Variants in HMCN2 observed in about 807,000 individuals in gnomAD.
The protein encoded by HMCN2 is hemicentin 2.
Under a neutral mutation model 377.5 loss-of-function variants are expected in HMCN2, and 325 were observed. The observed-to-expected ratio is 0.86, with a 90% CI of 0.79 to 0.94. The LOEUF (loss-of-function observed/expected upper bound fraction) is 0.94, where lower values mean the gene tolerates loss of function less well. HMCN2 is among the 40% of genes least tolerant of loss of function. The pLI is 0.00. For missense variants in HMCN2, 4,543 were observed against 4,725.3 expected, an observed-to-expected ratio of 0.96 and a Z score of 1.13; for synonymous variants, 2,007 against 2,046.8, an observed-to-expected ratio of 0.98 and a Z score of 0.53.
chr9:130,287,027 T>C (rs1835450098), intron 4 of HMCN2, among the ~76,000 whole-genome samples: 1 of 152,160 alleles, frequency 6.6e-6, no homozygotes, highest in Admixed American at 6.5e-5. Context: ...CAACGCTCTC[T>C]CTGGAAAGGA....
intron 56 of HMCN2, 47 bp downstream of exon 56, chr9:130,382,913 C>G: frequency 2.1e-6 from 2 of 961,758 alleles, no homozygotes; most frequent in Non-Finnish European, 2.5e-6. Context: ...CTGCTGAGGC[C>G]CAGCACCACT....
chr9:130,314,634 C>G (rs1356282603), intron 15 of HMCN2, among the ~76,000 whole-genome samples: 2 of 152,192 alleles, frequency 1.3e-5, no homozygotes, highest in African/African-American at 4.8e-5. Flanking sequence ...CTTTGCCCAT[C>G]TGCACAGTCT....
intron 39 of HMCN2, 145 bp from the exon 40 acceptor site, chr9:130,362,722 C>T: frequency 1.9e-6 from 1 of 539,780 alleles, no homozygotes; most frequent in Non-Finnish European, 2.4e-6. Context: ...CCTGGGTTTC[C>T]CTGCATCATG....
At chr9:130,366,850 G>A (rs897843199) in intron 43 of HMCN2, among the ~76,000 whole-genome samples, 1 of 152,134 alleles carries the variant, frequency 6.6e-6, no homozygotes, top group Non-Finnish European at 1.5e-5. Context: ...CACAATGGGG[G>A]CAGTCAGATA....
At chr9:130,345,390 G>A (rs995663743) in intron 25 of HMCN2, among the ~76,000 whole-genome samples, 1 of 146,842 alleles carries the variant, frequency 6.8e-6, no homozygotes, top group Non-Finnish European at 1.5e-5. Flanking sequence ...GTAGTGTGTG[G>A]TGTGTGTGTG....
chr9:130,399,859 A>G (rs2131709729), intron 76 of HMCN2, among the ~76,000 whole-genome samples: 1 of 152,320 alleles, frequency 6.6e-6, no homozygotes, highest in South Asian at 2.1e-4. Flanking sequence ...TCGCAAATCC[A>G]GAATGTTCTA....
At chr9:130,390,073 G>A (rs565023104) in intron 62 of HMCN2, among the ~76,000 whole-genome samples, 8 of 152,242 alleles carry the variant, frequency 5.3e-5, no homozygotes, top group African/African-American at 1.9e-4. Context: ...CTGTGTCATC[G>A]CCTCTCGCGG....
Position 130,394,541 on chromosome 9 carries a change from G to A in HMCN2, c.10658G>A (p.Arg3553Lys), listed in dbSNP as rs1419986742. Reference protein sequence around the residue: ...QALTRLENNSRATRVLRVENV... With the variant: ...QALTRLENNSKATRVLRVENV... ...CTGACCAGGCTGGAGAACAACAGCA[G>A]AGCCACACGGGTGCTCCGGGTGGAG... The change falls in exon 69 of 98, where the codon AGA becomes AAA. Residue 3553 changes from arginine to lysine, a missense_variant. Around this residue, in one of 5 missense-constraint regions of HMCN2, gnomAD observed 1,073 missense variants for 1,319.5 expected, o/e 0.81. Transcript: ENST00000683500. This position sits in a 1 kb window ranked among gnomAD's most constrained non-coding sequence, Gnocchi z 5.1. The A allele has an allele frequency of 7.8e-7, 1 of 1,289,478 alleles. No individual in the cohort carries two copies. The highest frequency in any genetic ancestry group is 2.3e-5 in the Admixed American group (1 of 43,526). The allele number at this position is 1,289,478 out of a possible 1,614,324, so 79.9% of individuals were successfully genotyped here.
In HMCN2 at chr9:130,433,514, C is replaced by A; in HGVS notation, c.15061C>A (p.Leu5021Met). The A allele has an allele frequency of 6.7e-7, 1 of 1,489,808 alleles. No individual in the cohort carries two copies. Among genetic ancestry groups the A allele is most frequent in the Non-Finnish European group, 8.9e-7 (1 of 1,126,926 alleles). 92.3% of individuals were successfully genotyped at this position (1,489,808 alleles called of 1,614,324 possible). A position where few individuals can be genotyped will look rare whatever the true frequency, so the allele number is the denominator to read the frequency against. ...CGCCAACCGCACCGAGCTCAGCATG[C>A]TGGAGCCCGACCCCCGCAGCCCCTT... is the stretch of plus-strand genomic sequence containing the variant. ...VPANRTELSM[L>M]EPDPRSPFAL... Residue 5021 changes from leucine (L) to methionine (M), a missense_variant, in exon 98 of 98, where the codon CTG (leucine) becomes ATG (methionine). Around this residue, in one of 5 missense-constraint regions of HMCN2, gnomAD observed 1,155 missense variants for 1,157.7 expected, o/e 1.00. Coordinates refer to ENST00000683500, the MANE Select transcript of HMCN2 (RefSeq NM_001291815.2).
intron 54 of HMCN2, among the ~76,000 whole-genome samples, chr9:130,381,101 C>T (rs1169879306): frequency 6.6e-6 from 1 of 152,202 alleles, no homozygotes; most frequent in Non-Finnish European, 1.5e-5. Context: ...AACCTCTGTT[C>T]TCTAATCCTG....
rs1564858127 is a variant in HMCN2 at position 130,401,081 on chromosome 9, G to A, written c.11770+134G>A. On this transcript the variant is annotated intron_variant, in intron 77 of 97. Coordinates refer to ENST00000683500, the MANE Select transcript of HMCN2 (RefSeq NM_001291815.2). ...ACTGCCTCTCCTGGCTGTGTGACCT[G>A]GGAGGACCCTCTCGCCCTCTCTGAG... 5.3e-6 allele frequency: 4 copies of A among 749,962 alleles called. No homozygotes were observed. In the South Asian group the frequency reaches 5.5e-5, roughly 10 times the overall value. The allele number at this position is 749,962 out of a possible 1,614,324, so 46.5% of individuals were successfully genotyped here.
rs1844936736 is a variant in HMCN2, at chr9:130,433,997, A to ATTCACC, written c.*304_*305insTTCACC. The ATTCACC allele has an allele frequency of 3.2e-6, 1 of 311,240 alleles. No homozygotes were observed. Among genetic ancestry groups the ATTCACC allele is most frequent in the African/African-American group, 2.2e-5 (1 of 46,452 alleles). 19.3% of individuals were successfully genotyped at this position (311,240 alleles called of 1,614,324 possible). On this transcript the variant is annotated 3_prime_UTR_variant, in exon 98 of 98. Coordinates refer to ENST00000683500, the MANE Select transcript of HMCN2 (RefSeq NM_001291815.2). ...CTCAGTGGGAGCGGGACAGGGACAC[A>ATTCACC]GGGCACCTGGACGCGCGGGAGAGGG... is the stretch of plus-strand genomic sequence containing the variant.
chr9:130,355,040 T>C lies in HMCN2; in HGVS notation c.5142T>C (p.Val1714=), dbSNP rs1322589280. ...CCGTCCTGCAGTACTCCGTGGAGGT[T>C]CAGGGTGAGCCCGGCCCACCCCACT... is the stretch of plus-strand genomic sequence containing the variant. ...GEAVLQYSVE[V]QVPPQLLVAE... The change falls in exon 32 of 98, where the codon GTT becomes GTC. Residue 1714 remains valine (V), a synonymous_variant. Coordinates refer to ENST00000683500, the MANE Select transcript of HMCN2 (RefSeq NM_001291815.2). 1.6e-6 allele frequency: 2 copies of C among 1,277,706 alleles called. No individual in the cohort carries two copies. Among genetic ancestry groups the C allele is most frequent in the Non-Finnish European group, 2.0e-6 (2 of 980,470 alleles). The allele number at this position is 1,277,706 out of a possible 1,614,324, so 79.1% of individuals were successfully genotyped here.
chr9:130,304,510 C>CA lies in HMCN2; in HGVS notation c.1544-219dup, dbSNP rs1232057006. Reference sequence around the variant, plus strand: ...CAGGCGTGTACCGTGCAGCCCCTGGCAGGTGTATAATGGTGGTGGGAGAAG... The same window carrying CA: ...CAGGCGTGTACCGTGCAGCCCCTGGCAAGGTGTATAATGGTGGTGGGAGAAG... On this transcript the variant is annotated intron_variant, in intron 10 of 97. Transcript: ENST00000683500. The surrounding 1 kb of genome is among the most constrained non-coding windows in gnomAD (Gnocchi z 4.3). Among the ~76,000 whole-genome samples, 1 of 152,174 alleles carries CA rather than the reference C, an allele frequency of 6.6e-6. No individual in the cohort carries two copies. Among genetic ancestry groups the CA allele is most frequent in the African/African-American group, 2.4e-5 (1 of 41,436 alleles).
intron 1 of HMCN2, among the ~76,000 whole-genome samples, chr9:130,274,842 A>G (rs1470876856): frequency 1.3e-5 from 2 of 152,170 alleles, no homozygotes; most frequent in Non-Finnish European, 2.9e-5. Context: ...TAATGACTCT[A>G]TAAGATGCCA....
chr9:130,429,407 G>A, intron 93 of HMCN2, 150 bp from the exon 94 acceptor site: 1 of 895,516 alleles, frequency 1.1e-6, no homozygotes, highest in Non-Finnish European at 1.7e-6. Context: ...ACTGGGGGAG[G>A]TGCTGTGAGG....
chr9:130,355,261 C>A (rs946914099), intron 32 of HMCN2, among the ~76,000 whole-genome samples: 2 of 152,158 alleles, frequency 1.3e-5, no homozygotes, highest in Non-Finnish European at 2.9e-5. Context: ...ATCAAGGGTC[C>A]CTGACTGTGC....
chr9:130,378,053 C>T (rs2131622094), intron 53 of HMCN2, among the ~76,000 whole-genome samples: 1 of 152,136 alleles, frequency 6.6e-6, no homozygotes, highest in South Asian at 2.1e-4. Flanking sequence ...TCTGGTTGAG[C>T]CAGAACGCCA....
chr9:130,285,454 T>G (rs529663234), intron 3 of HMCN2, 138 bp downstream of exon 3: 1 of 371,038 alleles, frequency 2.7e-6, no homozygotes, highest in East Asian at 7.3e-5. Context: ...GTCCAGCCTC[T>G]GCCATGCATG....
Sources: allele counts gnomAD v4.1 joint callset (sites outside exome capture counted in the v4.1 genomes callset), GRCh38; gene constraint gnomAD v4.1.1; regional missense constraint gnomAD v4.1.1; non-coding constraint Gnocchi (gnomAD v3.1); transcripts MANE v1.5; gene names NCBI Gene and HGNC (gene_info 2026-07-23, HGNC 2026-07-21).